PAX3: variants seen among roughly 807,000 people sequenced by gnomAD.
PAX3 encodes the protein paired box protein Pax-3.
Under a neutral mutation model 51.6 loss-of-function variants are expected in PAX3, and 14 were observed. That is an observed-to-expected ratio of 0.27 (90% CI 0.18 to 0.42). The LOEUF (loss-of-function observed/expected upper bound fraction) is 0.42. PAX3 is among the 10% of genes least tolerant of loss of function. PAX3 has a pLI of 1.00. For missense variants in PAX3, 540 were observed against 642.8 expected (o/e 0.84, Z 1.73); for synonymous variants, 280 against 253.4 (o/e 1.11, Z -1.00).
In PAX3 at chr2:222,232,151, C is replaced by T; in HGVS notation, c.719G>A (p.Arg240Lys). ...QLEELERAFE[R>K]THYPDIYTRE... is the part of the protein sequence containing the mutation. ...AGTATAAATGTCAGGGTAATGAGTT[C>T]TCTCAAAAGCACGCTCCAGTTCCTC... The change falls in exon 5 of 9, where the codon AGA (arginine) becomes AAA (lysine). Residue 240 changes from arginine (R) to lysine (K), a missense_variant. Arg to Lys is a conservative substitution (Grantham distance 26). Coordinates refer to ENST00000392070, the MANE Select transcript of PAX3 (RefSeq NM_181458.4). The T allele has an allele frequency of 1.2e-6, 2 of 1,614,042 alleles. No individual in the cohort carries two copies. The highest frequency in any genetic ancestry group is 1.7e-6 in the Non-Finnish European group (2 of 1,179,976).
rs1319513363 is a variant in PAX3, at chr2:222,199,915, A to G, written c.*1493T>C. On this transcript the variant is annotated 3_prime_UTR_variant, in exon 9 of 9. Coordinates refer to ENST00000392070, the MANE Select transcript of PAX3 (RefSeq NM_181458.4). ...GTTTTCATAACTGTTTATTCATTAT[A>G]AATAGTAAATATTTACTGCACTTTT... 1.7e-5 allele frequency: 3 copies of G among 181,750 alleles called. No individual in the cohort carries two copies. In the East Asian group the frequency reaches 2.7e-4, roughly 16 times the overall value. 11.3% of individuals were successfully genotyped at this position (181,750 alleles called of 1,614,324 possible). A position where few individuals can be genotyped will look rare whatever the true frequency, so the allele number is the denominator to read the frequency against.
At chr2:222,202,601 A>G (rs985295675) in intron 7 of PAX3, among the ~76,000 whole-genome samples, 1 of 152,184 alleles carries the variant, frequency 6.6e-6, no homozygotes, top group Non-Finnish European at 1.5e-5. Context: ...GAAGTTTCAC[A>G]TGTGATTTTT....
chr2:222,296,839 C>A, intron 2 of PAX3, 139 bp downstream of exon 2: 1 of 724,624 alleles, frequency 1.4e-6, no homozygotes, highest in Non-Finnish European at 2.4e-6. Flanking sequence ...CACACACACG[C>A]GCGCCTTTAC....
At chr2:222,263,019 A>G (rs1693923254) in intron 4 of PAX3, 1 of 152,212 alleles carries the variant, frequency 6.6e-6, no homozygotes, top group Admixed American at 6.5e-5. Context: ...TGTAAAGTCT[A>G]TATTTTCAGA....
intron 4 of PAX3, among the ~76,000 whole-genome samples, chr2:222,240,126 G>T (rs1298065967): frequency 6.6e-6 from 1 of 152,198 alleles, no homozygotes; most frequent in Non-Finnish European, 1.5e-5. Flanking sequence ...CTCCCCGAGT[G>T]CCTGCTGCCC....
chr2:222,268,130 A>G (rs1694115928), intron 4 of PAX3, among the ~76,000 whole-genome samples: 1 of 152,172 alleles, frequency 6.6e-6, no homozygotes, highest in Admixed American at 6.5e-5. Flanking sequence ...TCAAACAACA[A>G]TCTGTAGCAG....
intron 4 of PAX3, among the ~76,000 whole-genome samples, chr2:222,240,186 T>C (rs370262878): frequency 6.6e-5 from 10 of 152,260 alleles, no homozygotes; most frequent in Admixed American, 2.0e-4. Context: ...ACGGGGGCAG[T>C]ACAGGAGGGC....
chr2:222,235,483 G>A (rs1692765515), intron 4 of PAX3, among the ~76,000 whole-genome samples: 1 of 152,208 alleles, frequency 6.6e-6, no homozygotes, highest in African/African-American at 2.4e-5. Flanking sequence ...AGTCTGTGAG[G>A]CCTGAACAAT....
At chr2:222,240,351 C>T (rs184194555) in intron 4 of PAX3, among the ~76,000 whole-genome samples, 1 of 152,288 alleles carries the variant, frequency 6.6e-6, no homozygotes, top group Non-Finnish European at 1.5e-5. Flanking sequence ...CCCCAACATC[C>T]TAAGCTTCTC....
intron 4 of PAX3, among the ~76,000 whole-genome samples, chr2:222,238,033 A>T (rs1692864613): frequency 6.6e-6 from 1 of 152,194 alleles, no homozygotes; most frequent in Non-Finnish European, 1.5e-5. Flanking sequence ...TACAGGAGCC[A>T]AATTGTTAGT....
At chr2:222,231,588 G>A (rs139667343) in intron 5 of PAX3, among the ~76,000 whole-genome samples, 28 of 152,294 alleles carry the variant, frequency 1.8e-4, no homozygotes, top group Admixed American at 3.9e-4. Context: ...GAGATGAAGC[G>A]TATGGGATCC....
At chr2:222,256,230 C>T (rs1693638546) in intron 4 of PAX3, among the ~76,000 whole-genome samples, 1 of 152,084 alleles carries the variant, frequency 6.6e-6, no homozygotes, top group East Asian at 1.9e-4. Flanking sequence ...GTAAACTGGC[C>T]ATAAGGCAGA....
At position 222,245,052 on chromosome 2, in the gene PAX3, G is replaced by T. The variant is rs369206740; in HGVS notation, c.587-12769C>A. The stretch of plus-strand genomic sequence containing the variant: ...AATCCCAGCTATTCAGGAGGCTGAG[G>T]CACGAGAATCACTTGAAACTGGGAG... On this transcript the variant is annotated intron_variant, in intron 4 of 8. Transcript: ENST00000392070. Among the ~76,000 whole-genome samples, 156 of 152,268 alleles carry T rather than the reference G, an allele frequency of 1.0e-3. 2 individuals carry two copies. The South Asian group carries it at 0.024, about 23-fold the overall frequency.
intron 7 of PAX3, among the ~76,000 whole-genome samples, chr2:222,212,622 AACACACAC>A (rs57019405): frequency 0.072 from 10,703 of 148,002 alleles, 598 homozygotes; most frequent in Admixed American, 0.18. Flanking sequence ...TGGAAAAACA[AACACACAC>A]ACACACACAC....
At chr2:222,296,733 G>A (rs1230612816) in intron 2 of PAX3, among the ~76,000 whole-genome samples, 1 of 152,148 alleles carries the variant, frequency 6.6e-6, no homozygotes, top group Non-Finnish European at 1.5e-5. Context: ...AAGGCTTATG[G>A]GCTTTAAAAA....
At chr2:222,233,142 T>C (rs941434590) in intron 4 of PAX3, 23 of 147,564 alleles carry the variant, frequency 1.6e-4, no homozygotes, top group African/African-American at 5.5e-4. Flanking sequence ...TATTATGAGT[T>C]TCAAGAAGGC....
intron 4 of PAX3, among the ~76,000 whole-genome samples, chr2:222,283,610 G>A (rs948335748): frequency 1.3e-5 from 2 of 152,220 alleles, no homozygotes; most frequent in Non-Finnish European, 2.9e-5. Context: ...GTGGCTGAGA[G>A]TTGGCCCCCA....
At chr2:222,202,309 C>CT in intron 7 of PAX3, 119 bp from the exon 8 acceptor site, 1 of 828,770 alleles carries the variant, frequency 1.2e-6, no homozygotes, top group South Asian at 1.4e-5. Context: ...GGTTAAAGAG[C>CT]TGTCCAGGAG....
At chr2:222,260,553 TTTTTTTTTTTTG>T (rs1292575382) in intron 4 of PAX3, among the ~76,000 whole-genome samples, 39 of 78,210 alleles carry the variant, frequency 5.0e-4, no homozygotes, top group South Asian at 4.1e-3. Context: ...GCAACACAAG[TTTTTTTTTTTTG>T]TTTTTTTTTT....
Sources: gnomAD v4.1 joint callset for allele counts (sites outside exome capture counted in the v4.1 genomes callset) on GRCh38, gnomAD v4.1.1 for gene constraint, MANE v1.5 for transcripts, NCBI Gene and HGNC (gene_info 2026-07-23, HGNC 2026-07-21) for gene names.